TTC23: variants seen among roughly 807,000 people sequenced by gnomAD.
TTC23 encodes the protein tetratricopeptide repeat protein 23.
A neutral mutation model predicts 55.1 loss-of-function variants in TTC23; 58 were observed. The observed-to-expected ratio is 1.05, with a 90% CI of 0.85 to 1.31. TTC23 has a LOEUF of 1.31. Among genes scored for constraint, TTC23 ranks in the 50% most tolerant of loss-of-function variants. The pLI is 0.00. For missense variants in TTC23, 516 were observed against 534.4 expected, an observed-to-expected ratio of 0.97 and a Z score of 0.34; for synonymous variants, 203 against 199.9, an observed-to-expected ratio of 1.02 and a Z score of -0.13.
intron 12 of TTC23, 166 bp downstream of exon 12, chr15:99,155,982 T>C: frequency 1.2e-6 from 1 of 847,820 alleles, no homozygotes; most frequent in Non-Finnish European, 1.8e-6. Context: ...TACTATGTCT[T>C]TTACCCAAAA....
chr15:99,163,086 A>AAAGC (rs1567365530), intron 10 of TTC23, among the ~76,000 whole-genome samples: 1 of 150,160 alleles, frequency 6.7e-6, no homozygotes. Context: ...CCTGTCTCAA[A>AAAGC]AAACAAACAA....
In TTC23 at chr15:99,137,904, A is replaced by G. The variant is rs2067716481; in HGVS notation, c.*106T>C. 1 of 1,533,482 alleles carries G rather than the reference A, an allele frequency of 6.5e-7. No homozygotes were observed. The highest frequency in any genetic ancestry group is 8.8e-7 in the Non-Finnish European group (1 of 1,132,392). 95.0% of individuals were successfully genotyped at this position (1,533,482 alleles called of 1,614,324 possible). A position where few individuals can be genotyped will look rare whatever the true frequency, so the allele number is the denominator to read the frequency against. On this transcript the variant is annotated 3_prime_UTR_variant, in exon 14 of 14. Transcript: ENST00000394132. ...TTGGGGCCAACAGTTGGCCTTGGAA[A>G]TCTGTATCCTGACTGTTGAATTCCA...
intron 6 of TTC23, among the ~76,000 whole-genome samples, chr15:99,219,894 C>A (rs1567519567): frequency 6.6e-6 from 1 of 152,150 alleles, no homozygotes; most frequent in Non-Finnish European, 1.5e-5. Flanking sequence ...AATTCTGTTC[C>A]TATGTCTATA....
intron 11 of TTC23, among the ~76,000 whole-genome samples, chr15:99,161,364 G>A (rs1158886735): frequency 6.6e-6 from 1 of 152,120 alleles, no homozygotes; most frequent in African/African-American, 2.4e-5. Flanking sequence ...TGTAACTTCT[G>A]CACCGTATAG....
chr15:99,168,752 T>A (rs2072502803), intron 10 of TTC23, among the ~76,000 whole-genome samples: 1 of 152,074 alleles, frequency 6.6e-6, no homozygotes, highest in Non-Finnish European at 1.5e-5. Context: ...CAAACTTGGG[T>A]GGGGAACAGG....
At chr15:99,218,553 C>T (rs1463345366) in intron 8 of TTC23, 35 bp downstream of exon 8, 4 of 1,613,480 alleles carry the variant, frequency 2.5e-6, no homozygotes, top group Non-Finnish European at 3.4e-6. Context: ...AGCCTCCCGC[C>T]ATCATGTATG....
chr15:99,203,068 C>G (rs1042284412), intron 8 of TTC23, among the ~76,000 whole-genome samples: 1 of 152,138 alleles, frequency 6.6e-6, no homozygotes, highest in African/African-American at 2.4e-5. Flanking sequence ...GTGATCTGAG[C>G]TCCACCCCAA....
At chr15:99,209,887 A>G (rs2076906369) in intron 8 of TTC23, among the ~76,000 whole-genome samples, 2 of 152,094 alleles carry the variant, frequency 1.3e-5, no homozygotes, top group Admixed American at 1.3e-4. Context: ...GGTGTATGCT[A>G]CAACGCCTGG....
intron 9 of TTC23, among the ~76,000 whole-genome samples, chr15:99,196,909 C>T (rs897079744): frequency 3.4e-4 from 51 of 152,226 alleles, no homozygotes; most frequent in African/African-American, 1.2e-3. Context: ...GCCATTCCCA[C>T]TGCCCAAGCA....
Position 99,228,645 on chromosome 15 carries a change from G to A in TTC23, c.68C>T (p.Thr23Ile). The change falls in exon 5 of 14, where the codon ACT becomes ATT. Residue 23 changes from threonine to isoleucine, a missense_variant. By Grantham distance (89) the Thr-to-Ile change is moderately conservative. Transcript: ENST00000394132. ...CTTGTTTTGGAACTTCTTTCTATGAGTGATGCTAACAGCAGCAACAACTTC... is the reference window on the plus strand; with the variant it reads ...CTTGTTTTGGAACTTCTTTCTATGAATGATGCTAACAGCAGCAACAACTTC... ...LDEVVAAVSI[T>I]HRKKFQNKLL... is the part of the protein sequence containing the mutation. 2 of 1,613,838 alleles carry A rather than the reference G, an allele frequency of 1.2e-6. No individual in the cohort carries two copies. Among genetic ancestry groups the A allele is most frequent in the Non-Finnish European group, 1.7e-6 (2 of 1,179,808 alleles).
upstream of TTC23, among the ~76,000 whole-genome samples, chr15:99,250,558 A>G (rs990598119): frequency 1.3e-5 from 2 of 152,206 alleles, no homozygotes; most frequent in Non-Finnish European, 2.9e-5. Flanking sequence ...GAAATTTGTC[A>G]TATTAATGAG....
chr15:99,215,534 C>T (rs959573719), intron 8 of TTC23, among the ~76,000 whole-genome samples: 2 of 152,072 alleles, frequency 1.3e-5, no homozygotes, highest in Admixed American at 1.3e-4. Flanking sequence ...TGCTTGAGCC[C>T]AGGAGTTCAA....
intron 8 of TTC23, among the ~76,000 whole-genome samples, chr15:99,205,534 A>G (rs1357223531): frequency 6.8e-6 from 1 of 147,490 alleles, no homozygotes; most frequent in Non-Finnish European, 1.5e-5. Flanking sequence ...TAACTATTTT[A>G]TCTTATTTAT....
At chr15:99,246,964 C>T (rs1192244367) in intron 1 of TTC23, among the ~76,000 whole-genome samples, 1 of 151,864 alleles carries the variant, frequency 6.6e-6, no homozygotes, top group Non-Finnish European at 1.5e-5. Flanking sequence ...AACCAAAAAA[C>T]AATCAGTAAC....
At chr15:99,237,694 G>A (rs1041535539) in intron 3 of TTC23, among the ~76,000 whole-genome samples, 1 of 152,180 alleles carries the variant, frequency 6.6e-6, no homozygotes, top group Admixed American at 6.5e-5. Flanking sequence ...AGGAAAGGGT[G>A]GAGAGGAGGG....
chr15:99,139,431 A>G (rs782021093), intron 12 of TTC23, 32 bp from the exon 13 acceptor site: 2 of 1,613,888 alleles, frequency 1.2e-6, no homozygotes, highest in South Asian at 1.1e-5. Flanking sequence ...TCATGAGGCT[A>G]TGGAAGTGTC....
In TTC23 at chr15:99,137,894, G is replaced by T; in HGVS notation, c.*116C>A. ...CTGTTGCATGTTGGGGCCAACAGTT[G>T]GCCTTGGAAATCTGTATCCTGACTG... is the stretch of plus-strand genomic sequence containing the variant. On this transcript the variant is annotated 3_prime_UTR_variant, in exon 14 of 14. Coordinates refer to ENST00000394132, the MANE Select transcript of TTC23 (RefSeq NM_001288615.3). 6.6e-7 allele frequency: 1 copy of T among 1,505,004 alleles called. No homozygotes were observed. Among genetic ancestry groups the T allele is most frequent in the Non-Finnish European group, 9.0e-7 (1 of 1,111,392 alleles). The allele number at this position is 1,505,004 out of a possible 1,614,324, so 93.2% of individuals were successfully genotyped here. A position where few individuals can be genotyped will look rare whatever the true frequency, so the allele number is the denominator to read the frequency against.
chr15:99,234,411 C>A (rs934651628), intron 4 of TTC23, among the ~76,000 whole-genome samples: 1 of 152,156 alleles, frequency 6.6e-6, no homozygotes, highest in African/African-American at 2.4e-5. Context: ...CGCTCTGTCG[C>A]CTAGGCTGGA....
chr15:99,140,497 G>C (rs1483241976), intron 12 of TTC23: 1 of 152,048 alleles, frequency 6.6e-6, no homozygotes, highest in Non-Finnish European at 1.5e-5. Context: ...AGCCTCCCGA[G>C]TAGCTGAGAT....
Sources: allele counts gnomAD v4.1 joint callset (sites outside exome capture counted in the v4.1 genomes callset), GRCh38; gene constraint gnomAD v4.1.1; transcripts MANE v1.5; gene names NCBI Gene and HGNC (gene_info 2026-07-23, HGNC 2026-07-21).